Variants in CSNK1E observed in about 807,000 individuals in gnomAD.
CSNK1E encodes the protein casein kinase 1 epsilon.
In CSNK1E, 17 loss-of-function variants were observed where a neutral mutation model predicts 46.1. The observed-to-expected ratio is 0.37, with a 90% CI of 0.25 to 0.55. The LOEUF (loss-of-function observed/expected upper bound fraction) is 0.55, where lower values mean the gene tolerates loss of function less well. Among genes scored for constraint, CSNK1E ranks in the 20% least tolerant of loss-of-function variants. The pLI is 0.82. For missense variants in CSNK1E, 386 were observed against 595.4 expected, an observed-to-expected ratio of 0.65 and a Z score of 3.66; for synonymous variants, 241 against 242.6, an observed-to-expected ratio of 0.99 and a Z score of 0.06.
At chr22:38,308,925 C>A (rs2092709859) in intron 2 of CSNK1E, among the ~76,000 whole-genome samples, 1 of 152,108 alleles carries the variant, frequency 6.6e-6, no homozygotes, top group African/African-American at 2.4e-5. Flanking sequence ...TCTTGAATGG[C>A]CGGCTAAGAT....
At chr22:38,293,345 G>C in intron 9 of CSNK1E, 26 bp from the exon 10 acceptor site, 1 of 1,483,318 alleles carries the variant, frequency 6.7e-7, no homozygotes, top group East Asian at 2.3e-5. Flanking sequence ...AGGGAGAGAG[G>C]GGGAGGGAGA....
chr22:38,312,844 T>C (rs1459622349), intron 2 of CSNK1E, among the ~76,000 whole-genome samples: 1 of 152,178 alleles, frequency 6.6e-6, no homozygotes, highest in Non-Finnish European at 1.5e-5. Context: ...AACGCAGAGC[T>C]AGACGTCTAA....
chr22:38,299,880 C>T lies in CSNK1E; in HGVS notation c.736+15G>A. ...AGGGGCCCCCAGGCATGTCCCCTCCCACTGGGCTACTCACAGGGATAGCCT... is the reference window on the plus strand; with the variant it reads ...AGGGGCCCCCAGGCATGTCCCCTCCTACTGGGCTACTCACAGGGATAGCCT... On this transcript the variant is annotated intron_variant, in intron 6 of 10. Transcript: ENST00000396832. 6.2e-7 allele frequency: 1 copy of T among 1,610,868 alleles called. No homozygotes were observed. The highest frequency in any genetic ancestry group is 8.5e-7 in the Non-Finnish European group (1 of 1,177,456).
At chr22:38,313,035 C>G (rs182460528) in intron 2 of CSNK1E, among the ~76,000 whole-genome samples, 2 of 152,268 alleles carry the variant, frequency 1.3e-5, no homozygotes, top group East Asian at 3.9e-4. Context: ...GCAGAAAGTA[C>G]CCTGCAAGGA....
intron 7 of CSNK1E, chr22:38,296,723 T>C: frequency 1.2e-6 from 2 of 1,602,894 alleles, no homozygotes; most frequent in Non-Finnish European, 1.7e-6. Flanking sequence ...TAGACAGTCT[T>C]GTGAGACTCC....
intron 4 of CSNK1E, among the ~76,000 whole-genome samples, chr22:38,301,313 G>C (rs1221451772): frequency 2.0e-5 from 3 of 152,220 alleles, no homozygotes; most frequent in Non-Finnish European, 2.9e-5. Context: ...ACAGATGTGG[G>C]CGAGGGGCAG....
chr22:38,300,897 G>A lies in CSNK1E; in HGVS notation c.392C>T (p.Pro131Leu). 6.2e-7 allele frequency: 1 copy of A among 1,614,216 alleles called. No homozygotes were observed. The highest frequency in any genetic ancestry group is 8.5e-7 in the Non-Finnish European group (1 of 1,180,036). The change falls in exon 5 of 11, where the codon CCC (proline) becomes CTC (leucine). Residue 131 changes from proline (P) to leucine (L), a missense_variant. Transcript: ENST00000396832. The surrounding 1 kb of genome is among the most constrained non-coding windows in gnomAD (Gnocchi z 4.4). ...SKNFIHRDVK[P>L]DNFLMGLGKK... is the part of the protein sequence containing the mutation. ...CCCCAGCCCCATGAGGAAGTTGTCG[G>A]GCTTGACGTCCCGGTGGATGAAGTT...
rs1013896567 is a variant in CSNK1E, at chr22:38,293,268, G to C, written c.*19C>G. 1.3e-5 allele frequency: 21 copies of C among 1,613,004 alleles called. No individual in the cohort carries two copies. The highest frequency in any genetic ancestry group is 2.2e-5 in the East Asian group (1 of 44,854). ...TCATGGACTCACCTAAGCAAACACT[G>C]GTCCAATGGGGGCTCTCCTCACTTC... On this transcript the variant is annotated 3_prime_UTR_variant, in exon 10 of 11. Transcript: ENST00000396832.
chr22:38,302,858 C>T lies in CSNK1E; in HGVS notation c.336+3G>A. The T allele has an allele frequency of 1.2e-6, 2 of 1,614,022 alleles. No homozygotes were observed. The highest frequency in any genetic ancestry group is 1.7e-5 in the Admixed American group (1 of 60,002). On this transcript the variant is annotated splice_donor_region_variant and intron_variant, in intron 4 of 10. Coordinates refer to ENST00000396832, the MANE Select transcript of CSNK1E (RefSeq NM_152221.3). The stretch of plus-strand genomic sequence containing the variant: ...GCTGGGGATGGAGGGGACGGGGACT[C>T]ACCATCTGGTCGGCCAAGAGCAGCA...
At chr22:38,296,535 C>A in intron 7 of CSNK1E, 1 of 1,608,914 alleles carries the variant, frequency 6.2e-7, no homozygotes, top group Admixed American at 1.7e-5. Flanking sequence ...GGTGGTTCAG[C>A]TCACTACAGT....
intron 6 of CSNK1E, 38 bp downstream of exon 6, chr22:38,299,857 G>T: frequency 6.2e-7 from 1 of 1,603,636 alleles, no homozygotes; most frequent in South Asian, 1.1e-5. Context: ...AGTGCCTCAG[G>T]GGCCCCCAGG....
chr22:38,312,681 A>C (rs1180060791), intron 2 of CSNK1E, among the ~76,000 whole-genome samples: 1 of 152,190 alleles, frequency 6.6e-6, no homozygotes, highest in Non-Finnish European at 1.5e-5. Context: ...CTGGCACTTT[A>C]GAGTTTACAA....
rs755394130 is a variant in CSNK1E at position 38,303,255 on chromosome 22, G to A, written c.77-7C>T. On this transcript the variant is annotated splice_polypyrimidine_tract_variant and splice_region_variant and intron_variant, in intron 2 of 10. Coordinates refer to ENST00000396832, the MANE Select transcript of CSNK1E (RefSeq NM_152221.3). The surrounding 1 kb of genome is among the most constrained non-coding windows in gnomAD (Gnocchi z 4.7). ...CCAGAGGCGATGTTGGCACCTGCCCGGGGCAGGGAGGCAAGGGACCAGGGT... is the reference window on the plus strand; with the variant it reads ...CCAGAGGCGATGTTGGCACCTGCCCAGGGCAGGGAGGCAAGGGACCAGGGT... 13 of 1,591,032 alleles carry A rather than the reference G, an allele frequency of 8.2e-6. No individual in the cohort carries two copies. Among genetic ancestry groups the A allele is most frequent in the African/African-American group, 2.7e-5 (2 of 74,836 alleles).
intron 10 of CSNK1E, chr22:38,292,991 G>C: frequency 5.9e-6 from 3 of 511,618 alleles, no homozygotes; most frequent in South Asian, 2.1e-5. Context: ...GAAGGAGATA[G>C]AGACCTGGCC....
intron 7 of CSNK1E, chr22:38,296,925 C>T (rs764261520): frequency 1.3e-4 from 78 of 609,966 alleles, no homozygotes; most frequent in Non-Finnish European, 2.1e-4. Flanking sequence ...CAGGAACACA[C>T]CACCATGCCC....
At chr22:38,316,064 G>GGA (rs1196991703) in intron 1 of CSNK1E, among the ~76,000 whole-genome samples, 3 of 152,088 alleles carry the variant, frequency 2.0e-5, no homozygotes, top group Non-Finnish European at 4.4e-5. Context: ...ATTCAGGAAT[G>GGA]GAGAGGCTTT....
chr22:38,306,792 G>C (rs1377665920), intron 2 of CSNK1E, among the ~76,000 whole-genome samples: 1 of 151,818 alleles, frequency 6.6e-6, no homozygotes, highest in Non-Finnish European at 1.5e-5. Flanking sequence ...TGATACCTTC[G>C]TATCAGCATC....
At chr22:38,315,927 C>G (rs2092743250) in intron 1 of CSNK1E, among the ~76,000 whole-genome samples, 4 of 152,088 alleles carry the variant, frequency 2.6e-5, no homozygotes, top group Admixed American at 2.6e-4. Context: ...CCCCTGACTG[C>G]TATGTGCCAG....
chr22:38,301,008 G>A (rs1156633672), intron 4 of CSNK1E, 56 bp from the exon 5 acceptor site: 4 of 1,469,032 alleles, frequency 2.7e-6, no homozygotes, highest in Non-Finnish European at 3.8e-6. Context: ...AGCACTCTGG[G>A]CCAGGCAGGG....
Sources: gnomAD v4.1 joint callset for allele counts (sites outside exome capture counted in the v4.1 genomes callset) on GRCh38, gnomAD v4.1.1 for gene constraint, Gnocchi (gnomAD v3.1) non-coding constraint, MANE v1.5 for transcripts, NCBI Gene and HGNC (gene_info 2026-07-23, HGNC 2026-07-21) for gene names.